Variants in TBC1D22A observed in about 807,000 individuals in gnomAD.
The protein encoded by TBC1D22A is putative GTPase activator.
Under a neutral mutation model 60.2 loss-of-function variants are expected in TBC1D22A, and 38 were observed. The observed-to-expected ratio is 0.63, with a 90% CI of 0.49 to 0.83. The LOEUF (loss-of-function observed/expected upper bound fraction) is 0.83, where lower values mean the gene tolerates loss of function less well. Ranked by LOEUF, TBC1D22A falls within the 40% of genes least tolerant of loss-of-function variation. The probability of loss-of-function intolerance (pLI) is 0.00; values close to 1 mark genes in which losing one functional copy is unlikely to be tolerated. For synonymous variants in TBC1D22A, 302 were observed against 281.7 expected (o/e 1.07, Z -0.72); for missense variants, 628 against 701.0 (o/e 0.90, Z 1.18).
intron 4 of TBC1D22A, among the ~76,000 whole-genome samples, chr22:46,799,409 C>T (rs1006307348): frequency 2.0e-5 from 3 of 152,148 alleles, no homozygotes; most frequent in Admixed American, 6.5e-5. Flanking sequence ...CTGAAACCTT[C>T]GCTGCATATT....
At chr22:46,826,836 A>T (rs150162794) in intron 4 of TBC1D22A, among the ~76,000 whole-genome samples, 13 of 152,350 alleles carry the variant, frequency 8.5e-5, no homozygotes, top group African/African-American at 3.1e-4. Context: ...CGCTTGCCCC[A>T]TCCAGAGTGA....
At chr22:47,137,727 A>C (rs1381555360) in intron 12 of TBC1D22A, among the ~76,000 whole-genome samples, 1 of 152,214 alleles carries the variant, frequency 6.6e-6, no homozygotes. Context: ...CTGGGGAAGA[A>C]GGGTGGGCGC....
intron 11 of TBC1D22A, among the ~76,000 whole-genome samples, chr22:47,075,177 C>G (rs1279938252): frequency 1.4e-5 from 2 of 146,750 alleles, no homozygotes; most frequent in Admixed American, 1.4e-4. Context: ...GAGACGAGAT[C>G]ACACCACTGC....
At position 47,009,127 on chromosome 22, in the gene TBC1D22A, C is replaced by T. The variant is rs1197792128; in HGVS notation, c.1201+11418C>T. Among the ~76,000 whole-genome samples, 1 of 152,122 alleles carries T rather than the reference C, an allele frequency of 6.6e-6. No individual in the cohort carries two copies. Among genetic ancestry groups the T allele is most frequent in the Non-Finnish European group, 1.5e-5 (1 of 68,014 alleles). ...GGAGGATTGGCTTTGTGAGGAATGT[C>T]CCCACTCTAGCCCTTGTTTCCCCAT... On this transcript the variant is annotated intron_variant, in intron 10 of 12. Coordinates refer to ENST00000337137, the MANE Select transcript of TBC1D22A (RefSeq NM_014346.5). This position sits in a 1 kb window ranked among gnomAD's most constrained non-coding sequence, Gnocchi z 5.8.
At chr22:47,055,456 C>T (rs547339755) in intron 11 of TBC1D22A, among the ~76,000 whole-genome samples, 21 of 152,324 alleles carry the variant, frequency 1.4e-4, no homozygotes, top group Admixed American at 1.2e-3. Context: ...TGTGTTAATA[C>T]ACACCCAAAT....
intron 1 of TBC1D22A, among the ~76,000 whole-genome samples, chr22:46,775,609 G>A (rs2083671468): frequency 6.6e-6 from 1 of 152,132 alleles, no homozygotes; most frequent in Non-Finnish European, 1.5e-5. Context: ...GTTGGCTGTG[G>A]GCCGCATTTT....
intron 10 of TBC1D22A, among the ~76,000 whole-genome samples, chr22:46,998,676 G>T (rs1219028341): frequency 6.6e-6 from 1 of 152,216 alleles, no homozygotes; most frequent in Non-Finnish European, 1.5e-5. Context: ...TTCTAAAATG[G>T]ACTCCTACAA....
chr22:46,905,311 G>A (rs549934308), intron 7 of TBC1D22A, among the ~76,000 whole-genome samples: 27 of 152,354 alleles, frequency 1.8e-4, no homozygotes, highest in African/African-American at 5.8e-4. Context: ...GGAAAGGGAA[G>A]CCTGGGCCTG....
At chr22:46,803,735 C>T (rs898353609) in intron 4 of TBC1D22A, among the ~76,000 whole-genome samples, 4 of 152,196 alleles carry the variant, frequency 2.6e-5, no homozygotes, top group Non-Finnish European at 4.4e-5. Context: ...CCTGGCGTCT[C>T]ATCAGGGAAG....
intron 9 of TBC1D22A, among the ~76,000 whole-genome samples, chr22:46,980,236 A>G (rs1046259343): frequency 2.0e-5 from 3 of 152,234 alleles, no homozygotes; most frequent in Non-Finnish European, 4.4e-5. Context: ...AGGTCGGAGT[A>G]CAGTGGTGTG....
At chr22:46,948,880 C>T (rs2147993858) in intron 8 of TBC1D22A, among the ~76,000 whole-genome samples, 1 of 152,302 alleles carries the variant, frequency 6.6e-6, no homozygotes, top group South Asian at 2.1e-4. Flanking sequence ...CCGGAGAGGC[C>T]CGTCACACAC....
intron 11 of TBC1D22A, among the ~76,000 whole-genome samples, chr22:47,059,541 T>C (rs16996270): frequency 0.026 from 3,891 of 152,354 alleles, 144 homozygotes; most frequent in African/African-American, 0.086. Context: ...TGAGCAAGTC[T>C]GTGTCTGTCA....
intron 8 of TBC1D22A, among the ~76,000 whole-genome samples, chr22:46,942,032 A>G (rs1351357163): frequency 6.9e-6 from 1 of 145,510 alleles, no homozygotes; most frequent in African/African-American, 2.5e-5. Flanking sequence ...TATATTATAT[A>G]TATATATACA....
In TBC1D22A at chr22:46,932,640, C is replaced by T. The variant is rs545307709; in HGVS notation, c.1015+20452C>T. On this transcript the variant is annotated intron_variant, in intron 8 of 12. Transcript: ENST00000337137. ...TTGGGTGGGTGGCAAGGGGCGATCG[C>T]GGTGGAGATGACTCCTTCTCACTGG... is the stretch of plus-strand genomic sequence containing the variant. Among the ~76,000 whole-genome samples the T allele has an allele frequency of 1.9e-4, 28 of 149,024 alleles. 1 individual carries two copies. In the South Asian group the frequency reaches 4.1e-3, roughly 22 times the overall value.
At chr22:46,902,731 G>T (rs769510960) in intron 7 of TBC1D22A, among the ~76,000 whole-genome samples, 1 of 151,608 alleles carries the variant, frequency 6.6e-6, no homozygotes, top group Non-Finnish European at 1.5e-5. Context: ...CAACACACCT[G>T]CATTTTTGAC....
intron 12 of TBC1D22A, among the ~76,000 whole-genome samples, chr22:47,142,732 C>T (rs2067152003): frequency 1.3e-5 from 1 of 75,234 alleles, no homozygotes; most frequent in Non-Finnish European, 2.6e-5. Context: ...TATCCACCCA[C>T]CCACCCCATC....
intron 7 of TBC1D22A, 136 bp from the exon 8 acceptor site, chr22:46,911,938 T>C: frequency 3.3e-6 from 2 of 607,860 alleles, no homozygotes; most frequent in East Asian, 2.9e-5. Context: ...AAAAAATTGA[T>C]ATTTGTTTAT....
At chr22:46,982,655 C>T (rs1390493733) in intron 9 of TBC1D22A, among the ~76,000 whole-genome samples, 1 of 152,324 alleles carries the variant, frequency 6.6e-6, no homozygotes, top group African/African-American at 2.4e-5. Context: ...GCTGGCCTAC[C>T]GGTCGTGTGA....
At chr22:46,798,404 G>C (rs1193512153) in intron 4 of TBC1D22A, among the ~76,000 whole-genome samples, 1 of 152,248 alleles carries the variant, frequency 6.6e-6, no homozygotes, top group Non-Finnish European at 1.5e-5. Context: ...CAAGGGGGCA[G>C]GGGTGAGGCT....
Sources: gnomAD v4.1 joint callset for allele counts (sites outside exome capture counted in the v4.1 genomes callset) on GRCh38, gnomAD v4.1.1 for gene constraint, Gnocchi (gnomAD v3.1) non-coding constraint, MANE v1.5 for transcripts, NCBI Gene and HGNC (gene_info 2026-07-23, HGNC 2026-07-21) for gene names.